Variants in PRKN observed in about 807,000 individuals in gnomAD.
PRKN encodes parkin RBR E3 ubiquitin protein ligase.
A neutral mutation model predicts 59.5 loss-of-function variants in PRKN; 56 were observed. The observed-to-expected ratio is 0.94, with a 90% CI of 0.76 to 1.18. The LOEUF (loss-of-function observed/expected upper bound fraction) is 1.18, where lower values mean the gene tolerates loss of function less well. Among genes scored for constraint, PRKN ranks in the 50% most tolerant of loss-of-function variants. PRKN has a pLI of 0.00. For synonymous variants in PRKN, 250 were observed against 222.1 expected (o/e 1.13, Z -1.12); for missense variants, 657 against 596.4 (o/e 1.10, Z -1.06).
At chr6:162,190,011 G>A (rs1258386748) in intron 4 of PRKN, among the ~76,000 whole-genome samples, 1 of 151,952 alleles carries the variant, frequency 6.6e-6, no homozygotes, top group Non-Finnish European at 1.5e-5. Context: ...AAAAAAAATA[G>A]GGTCATTCTG....
intron 6 of PRKN, among the ~76,000 whole-genome samples, chr6:161,926,225 T>C (rs1276740224): frequency 6.6e-6 from 1 of 152,232 alleles, no homozygotes; most frequent in African/African-American, 2.4e-5. Context: ...AGACATGCTA[T>C]GATCTATTCG....
chr6:162,602,159 A>G (rs1011823168), intron 1 of PRKN, among the ~76,000 whole-genome samples: 1 of 152,196 alleles, frequency 6.6e-6, no homozygotes, highest in Non-Finnish European at 1.5e-5. Context: ...GCGTAGTCCC[A>G]AAGAGTCAGA....
At chr6:161,715,505 G>A (rs902877597) in intron 7 of PRKN, among the ~76,000 whole-genome samples, 1 of 152,060 alleles carries the variant, frequency 6.6e-6, no homozygotes, top group Non-Finnish European at 1.5e-5. Flanking sequence ...TAAAAATAAA[G>A]GAGATTAGGT....
intron 5 of PRKN, among the ~76,000 whole-genome samples, chr6:161,987,929 A>G (rs1025336592): frequency 2.0e-5 from 3 of 152,238 alleles, no homozygotes; most frequent in African/African-American, 7.2e-5. Context: ...TAAGAGGCAT[A>G]TGTAAAAACA....
At chr6:161,616,736 T>A (rs1188855464) in intron 7 of PRKN, among the ~76,000 whole-genome samples, 3 of 152,180 alleles carry the variant, frequency 2.0e-5, no homozygotes, top group Non-Finnish European at 4.4e-5. Context: ...GCAAAGGACA[T>A]GAACTCACCC....
chr6:161,488,722 T>C lies in PRKN; in HGVS notation c.1083+60132A>G, dbSNP rs1388341641. On this transcript the variant is annotated intron_variant, in intron 9 of 11. Transcript: ENST00000366898. This position sits in a 1 kb window ranked among gnomAD's most constrained non-coding sequence, Gnocchi z 4.5. Reference sequence around the variant, plus strand: ...GGCTGGTCTTGAACTCGGCCTCAAGTGATCCTCCCACCTTGGCCTCCTGAA... The same window carrying C: ...GGCTGGTCTTGAACTCGGCCTCAAGCGATCCTCCCACCTTGGCCTCCTGAA... Among the ~76,000 whole-genome samples, 1 of 152,046 alleles carries C rather than the reference T, an allele frequency of 6.6e-6. No individual in the cohort carries two copies. The highest frequency in any genetic ancestry group is 1.5e-5 in the Non-Finnish European group (1 of 68,024).
At chr6:161,597,021 T>C (rs1364456004) in intron 7 of PRKN, among the ~76,000 whole-genome samples, 2 of 152,210 alleles carry the variant, frequency 1.3e-5, no homozygotes, top group Non-Finnish European at 2.9e-5. Context: ...GGAAGACTGC[T>C]GGGGGCTTCT....
chr6:161,952,086 G>T (rs1310664877), intron 6 of PRKN, among the ~76,000 whole-genome samples: 2 of 152,058 alleles, frequency 1.3e-5, no homozygotes, highest in East Asian at 3.9e-4. Flanking sequence ...TAAAATTGAT[G>T]CCATATTGAA....
intron 6 of PRKN, among the ~76,000 whole-genome samples, chr6:161,951,221 A>G (rs1180329626): frequency 6.6e-6 from 1 of 152,148 alleles, no homozygotes; most frequent in African/African-American, 2.4e-5. Flanking sequence ...ATGGCAAGAC[A>G]GGCTGGGGAA....
At chr6:162,020,156 A>G (rs1445977576) in intron 5 of PRKN, among the ~76,000 whole-genome samples, 2 of 152,036 alleles carry the variant, frequency 1.3e-5, no homozygotes, top group Non-Finnish European at 2.9e-5. Context: ...CTTCCTGCGG[A>G]GAACAACTGT....
At chr6:161,380,770 A>C (rs923521268) in intron 10 of PRKN, among the ~76,000 whole-genome samples, 28 of 152,192 alleles carry the variant, frequency 1.8e-4, no homozygotes, top group African/African-American at 6.8e-4. Flanking sequence ...GTTAATTCTC[A>C]ACATTTAAAA....
intron 8 of PRKN, among the ~76,000 whole-genome samples, chr6:161,556,231 A>C (rs572821936): frequency 8.0e-4 from 122 of 152,312 alleles, no homozygotes; most frequent in African/African-American, 2.6e-3. Context: ...AGAGCATTTG[A>C]GCATACAATT....
At chr6:161,694,031 G>A (rs1159032198) in intron 7 of PRKN, among the ~76,000 whole-genome samples, 4 of 152,166 alleles carry the variant, frequency 2.6e-5, no homozygotes. Flanking sequence ...AGAAAACTCT[G>A]AATGGTGTTA....
chr6:162,476,695 A>G (rs565671204), intron 1 of PRKN, among the ~76,000 whole-genome samples: 4 of 152,122 alleles, frequency 2.6e-5, no homozygotes, highest in Non-Finnish European at 5.9e-5. Flanking sequence ...AGAGAAGATC[A>G]GCAAACGTGA....
At chr6:162,463,833 G>A (rs915959008) in intron 1 of PRKN, among the ~76,000 whole-genome samples, 1 of 152,134 alleles carries the variant, frequency 6.6e-6, no homozygotes, top group African/African-American at 2.4e-5. Context: ...GCCTGCAAGA[G>A]GGATAAAGTC....
At chr6:161,767,147 A>G (rs1219549227) in intron 7 of PRKN, among the ~76,000 whole-genome samples, 2 of 152,180 alleles carry the variant, frequency 1.3e-5, no homozygotes, top group African/African-American at 2.4e-5. Context: ...TTTGAAGAAC[A>G]AGTTAGCTAA....
At chr6:161,381,187 TG>T (rs1277720211) in intron 10 of PRKN, among the ~76,000 whole-genome samples, 1 of 152,220 alleles carries the variant, frequency 6.6e-6, no homozygotes, top group Non-Finnish European at 1.5e-5. Flanking sequence ...TGGCCATCCC[TG>T]GTATTGTGTT....
intron 7 of PRKN, among the ~76,000 whole-genome samples, chr6:161,754,351 G>A (rs553160018): frequency 6.6e-6 from 1 of 152,158 alleles, no homozygotes; most frequent in East Asian, 1.9e-4. Context: ...GCAAGCAGAG[G>A]AAGGGGTTTC....
In PRKN at chr6:161,487,377, G is replaced by A. The variant is rs970076658; in HGVS notation, c.1083+61477C>T. 5.3e-5 allele frequency among the ~76,000 whole-genome samples: 8 copies of A among 152,174 alleles called. No homozygotes were observed. Among genetic ancestry groups the A allele is most frequent in the Non-Finnish European group, 2.9e-5 (2 of 68,030 alleles). On this transcript the variant is annotated intron_variant, in intron 9 of 11. Coordinates refer to ENST00000366898, the MANE Select transcript of PRKN (RefSeq NM_004562.3). The surrounding 1 kb of genome is among the most constrained non-coding windows in gnomAD (Gnocchi z 5.3). The stretch of plus-strand genomic sequence containing the variant: ...CCTTCGCCCATCTGTGTGAGCCAAG[G>A]CAAGGAAGACAGTCTGGGGCCTGTG...
Sources: allele counts gnomAD v4.1 joint callset (sites outside exome capture counted in the v4.1 genomes callset), GRCh38; gene constraint gnomAD v4.1.1; non-coding constraint Gnocchi (gnomAD v3.1); transcripts MANE v1.5; gene names NCBI Gene and HGNC (gene_info 2026-07-23, HGNC 2026-07-21).